The following KIF20B variants were observed in gnomAD, a reference collection of about 807,000 sequenced individuals.
The protein encoded by KIF20B is kinesin family member 20B.
A neutral mutation model predicts 232.5 loss-of-function variants in KIF20B; 188 were observed. The observed-to-expected ratio is 0.81, with a 90% CI of 0.72 to 0.91. The LOEUF is 0.91. KIF20B is among the 40% of genes least tolerant of loss of function. KIF20B has a pLI of 0.00. For synonymous variants in KIF20B, 712 were observed against 683.0 expected, an observed-to-expected ratio of 1.04 and a Z score of -0.66; for missense variants, 2,154 against 2,055.9, an observed-to-expected ratio of 1.05 and a Z score of -0.92.
chr10:89,708,149 A>G (rs1842763954), intron 2 of KIF20B, among the ~76,000 whole-genome samples: 2 of 151,756 alleles, frequency 1.3e-5, no homozygotes, highest in African/African-American at 4.8e-5. Flanking sequence ...GCTTATGTCA[A>G]ACTCAAAATT....
At chr10:89,741,204 G>A (rs922912500) in intron 21 of KIF20B, among the ~76,000 whole-genome samples, 1 of 152,166 alleles carries the variant, frequency 6.6e-6, no homozygotes, top group Non-Finnish European at 1.5e-5. Context: ...TTCATTGCAT[G>A]CAGAGTTCAC....
chr10:89,713,314 T>C (rs1225469223), intron 6 of KIF20B, among the ~76,000 whole-genome samples: 1 of 150,672 alleles, frequency 6.6e-6, no homozygotes, highest in Non-Finnish European at 1.5e-5. Flanking sequence ...TGAGCCGAGA[T>C]TGCGCCACTA....
intron 25 of KIF20B, among the ~76,000 whole-genome samples, chr10:89,752,931 G>A (rs1667378275): frequency 6.6e-6 from 1 of 152,068 alleles, no homozygotes; most frequent in South Asian, 2.1e-4. Context: ...TTAGTTTTAT[G>A]TTTCACATAT....
In KIF20B at chr10:89,711,165, T is replaced by TA; in HGVS notation, c.675+20_675+21insA. 2 of 1,398,530 alleles carry TA rather than the reference T, an allele frequency of 1.4e-6. No individual in the cohort carries two copies. Among genetic ancestry groups the TA allele is most frequent in the Non-Finnish European group, 1.9e-6 (2 of 1,033,844 alleles). The allele number at this position is 1,398,530 out of a possible 1,614,324, so 86.6% of individuals were successfully genotyped here. A position where few individuals can be genotyped will look rare whatever the true frequency, so the allele number is the denominator to read the frequency against. On this transcript the variant is annotated intron_variant, in intron 6 of 32. Coordinates refer to ENST00000371728, the MANE Select transcript of KIF20B (RefSeq NM_001284259.2). ...AAAGAGGTATGGAAATATTTTAGTA[T>TA]GTAAAATATGTATAATTCCTGACTT...
In KIF20B at chr10:89,738,196, A is replaced by G. The variant is rs770185093; in HGVS notation, c.3355A>G (p.Thr1119Ala). Residue 1119 changes from threonine to alanine, a missense_variant, in exon 20 of 33, where the codon ACT becomes GCT. Coordinates refer to ENST00000371728, the MANE Select transcript of KIF20B (RefSeq NM_001284259.2). ...AGATGACCTACTAAAAGAAAAAGAA[A>G]CTCTTATACAGCAGCTGAAAGAAGA... ...NQDDLLKEKE[T>A]LIQQLKEELQ... 5.6e-6 allele frequency: 9 copies of G among 1,602,880 alleles called. No individual in the cohort carries two copies. The South Asian group carries it at 1.0e-4, about 18-fold the overall frequency.
At chr10:89,754,464 G>C (rs1444557967) in intron 25 of KIF20B, 54 bp from the exon 26 acceptor site, 13 of 1,170,860 alleles carry the variant, frequency 1.1e-5, no homozygotes, top group Non-Finnish European at 1.5e-5. Context: ...ATAGAAACAT[G>C]TATTGACTAC....
chr10:89,726,729 ATAT>A (rs1449233194), intron 16 of KIF20B, among the ~76,000 whole-genome samples: 1 of 152,158 alleles, frequency 6.6e-6, no homozygotes, highest in East Asian at 1.9e-4. Context: ...TTTTAGACCA[ATAT>A]TATTAGAAAA....
chr10:89,762,793 G>T lies in KIF20B; in HGVS notation c.4947G>T (p.Lys1649Asn), dbSNP rs1202215706. 1 of 1,613,092 alleles carries T rather than the reference G, an allele frequency of 6.2e-7. No homozygotes were observed. The highest frequency in any genetic ancestry group is 1.7e-5 in the Admixed American group (1 of 59,888). The change falls in exon 29 of 33, where the codon AAG becomes AAT. Residue 1649 changes from lysine (K) to asparagine (N), a missense_variant. Coordinates refer to ENST00000371728, the MANE Select transcript of KIF20B (RefSeq NM_001284259.2). ...GTTGTACCACACCAGTGACAGTTAA[G>T]ATTCCCAAGGCTCGGAAGAGGAAGA... is the stretch of plus-strand genomic sequence containing the variant. Reference protein sequence around the residue: ...HPGCTTPVTVKIPKARKRKSN... With the variant: ...HPGCTTPVTVNIPKARKRKSN...
At position 89,719,705 on chromosome 10, in the gene KIF20B, G is replaced by C. The variant is rs768808298; in HGVS notation, c.1721G>C (p.Arg574Thr). 6.3e-7 allele frequency: 1 copy of C among 1,594,646 alleles called. No homozygotes were observed. The highest frequency in any genetic ancestry group is 1.4e-5 in the African/African-American group (1 of 73,620). The change falls in exon 13 of 33, where the codon AGA becomes ACA. Residue 574 changes from arginine (R) to threonine (T), a missense_variant and splice_region_variant. Transcript: ENST00000371728. ...GCTTTCATTAGCCACGAGGAGAAAA[G>C]AGTATGTATTAAGAACTCATACTTC... ...NKAFISHEEK[R>T]KLLDLIEDLK...
chr10:89,726,496 A>C lies in KIF20B; in HGVS notation c.2205A>C (p.Lys735Asn). ...AKTKGELIKT[K>N]EELKKRENES... The stretch of plus-strand genomic sequence containing the variant: ...CCAAAGGAGAATTAATCAAAACCAA[A>C]GAAGAGTTAAAAAAGAGAGAAAATG... Residue 735 changes from lysine (K) to asparagine (N), a missense_variant, in exon 16 of 33, where the codon AAA becomes AAC. Transcript: ENST00000371728. 6.3e-7 allele frequency: 1 copy of C among 1,598,170 alleles called. No homozygotes were observed. The highest frequency in any genetic ancestry group is 8.5e-7 in the Non-Finnish European group (1 of 1,171,734).
intron 29 of KIF20B, among the ~76,000 whole-genome samples, chr10:89,768,036 C>G (rs1842398190): frequency 6.6e-6 from 1 of 151,982 alleles, no homozygotes; most frequent in Non-Finnish European, 1.5e-5. Flanking sequence ...GGCTATCTAT[C>G]CTGTGCATTG....
rs1015151717 is a variant in KIF20B at position 89,717,409 on chromosome 10, A to G, written c.1053-15A>G. 4.1e-6 allele frequency: 6 copies of G among 1,474,612 alleles called. No individual in the cohort carries two copies. The African/African-American group carries it at 5.6e-5, about 14-fold the overall frequency. The allele number at this position is 1,474,612 out of a possible 1,614,324, so 91.3% of individuals were successfully genotyped here. A position where few individuals can be genotyped will look rare whatever the true frequency, so the allele number is the denominator to read the frequency against. On this transcript the variant is annotated splice_polypyrimidine_tract_variant and intron_variant, in intron 9 of 32. Coordinates refer to ENST00000371728, the MANE Select transcript of KIF20B (RefSeq NM_001284259.2). ...ATTAAAAATGATAAGATAACATTTG[A>G]TCTTTGTATTTCAGTCACAGCATAT...
At chr10:89,713,986 CTTGA>C in intron 6 of KIF20B, 57 bp from the exon 7 acceptor site, 1 of 774,546 alleles carries the variant, frequency 1.3e-6, no homozygotes, top group Admixed American at 3.2e-5. Flanking sequence ...TAATTAATAT[CTTGA>C]TTATTTAACC....
intron 11 of KIF20B, among the ~76,000 whole-genome samples, chr10:89,718,140 T>C (rs11185856): frequency 4.5e-4 from 69 of 152,342 alleles, no homozygotes; most frequent in Admixed American, 3.5e-3. Context: ...ACATCTCTTA[T>C]ATACTTGCTC....
chr10:89,729,789 G>C (rs543404796), intron 18 of KIF20B, among the ~76,000 whole-genome samples: 14 of 152,260 alleles, frequency 9.2e-5, no homozygotes, highest in Middle Eastern at 3.4e-3. Flanking sequence ...ATTCAGTTCA[G>C]CTTAGAATGA....
rs1156898393 is a variant in KIF20B, at chr10:89,709,170, A to G, written c.151A>G (p.Asn51Asp). 1.2e-6 allele frequency: 2 copies of G among 1,601,110 alleles called. No individual in the cohort carries two copies. The highest frequency in any genetic ancestry group is 2.7e-5 in the African/African-American group (2 of 74,676). The change falls in exon 3 of 33, where the codon AAC (asparagine) becomes GAC (aspartate). Residue 51 changes from asparagine (N) to aspartate (D), a missense_variant. Coordinates refer to ENST00000371728, the MANE Select transcript of KIF20B (RefSeq NM_001284259.2). ...TTTTTCTCCTTTATTTTTTAAGGCA[A>G]ACAGTTTCGAATCTAAAGATTATCT... ...FSLVAPNTEA[N>D]SFESKDYLQV...
At chr10:89,748,239 A>G (rs10881655) in intron 23 of KIF20B, among the ~76,000 whole-genome samples, 46,991 of 152,074 alleles carry the variant, frequency 0.31, 8,167 homozygotes, top group African/African-American at 0.46. Flanking sequence ...TGAACTCCTG[A>G]CCTCAGGTGA....
In KIF20B at chr10:89,729,235, A is replaced by G. The variant is rs1260918697; in HGVS notation, c.2379A>G (p.Thr793=). The part of the protein sequence containing the change: ...FQNLKSHMEN[T]FKCNDKADTS... ...ACCTAAAGTCTCATATGGAAAACAC[A>G]TTTAAATGCAATGTAAGAATTTAAC... Residue 793 remains threonine (T), a synonymous_variant, in exon 18 of 33, where the codon ACA becomes ACG. Coordinates refer to ENST00000371728, the MANE Select transcript of KIF20B (RefSeq NM_001284259.2). The G allele has an allele frequency of 1.3e-6, 2 of 1,487,996 alleles. No individual in the cohort carries two copies. Among genetic ancestry groups the G allele is most frequent in the Non-Finnish European group, 1.8e-6 (2 of 1,109,428 alleles). The allele number at this position is 1,487,996 out of a possible 1,614,324, so 92.2% of individuals were successfully genotyped here.
chr10:89,752,705 T>G lies in KIF20B; in HGVS notation c.4347+14T>G, dbSNP rs371585333. The G allele has an allele frequency of 3.8e-4, 565 of 1,505,260 alleles. 1 individual carries two copies. The highest frequency in any genetic ancestry group is 4.7e-4 in the Non-Finnish European group (527 of 1,126,086). 93.2% of individuals were successfully genotyped at this position (1,505,260 alleles called of 1,614,324 possible). A position where few individuals can be genotyped will look rare whatever the true frequency, so the allele number is the denominator to read the frequency against. On this transcript the variant is annotated intron_variant, in intron 25 of 32. Transcript: ENST00000371728. ...GATGAGTTACAGGTATGACTTTATG[T>G]ATGTTTTTATGTATGAATGTATCTG...
Sources: gnomAD v4.1 joint callset for allele counts (sites outside exome capture counted in the v4.1 genomes callset) on GRCh38, gnomAD v4.1.1 for gene constraint, MANE v1.5 for transcripts, NCBI Gene and HGNC (gene_info 2026-07-23, HGNC 2026-07-21) for gene names.